The following MTMR7 variants were observed in gnomAD, a reference collection of about 807,000 sequenced individuals.
MTMR7 encodes the protein phosphatidylinositol-3-phosphate phosphatase MTMR7.
A neutral mutation model predicts 81.2 loss-of-function variants in MTMR7; 76 were observed. That is an observed-to-expected ratio of 0.94 (90% CI 0.78 to 1.13). The LOEUF is 1.13. MTMR7 is among the 50% of genes most tolerant of loss of function. The pLI is 0.00. For missense variants in MTMR7, 1,044 were observed against 820.0 expected, an observed-to-expected ratio of 1.27 and a Z score of -3.34; for synonymous variants, 372 against 289.8, an observed-to-expected ratio of 1.28 and a Z score of -2.88.
At chr8:17,304,616 C>T in intron 11 of MTMR7, 97 bp from the exon 12 acceptor site, 1 of 1,324,982 alleles carries the variant, frequency 7.5e-7, no homozygotes. Context: ...ATAATTGTTA[C>T]CTGAAAACCA....
rs189490605 is a variant in MTMR7 at position 17,376,229 on chromosome 8, C to T, written c.25-2989G>A. ...ACTTAGCAATCATGTTCTCAATCTA[C>T]GTTTCAATCCAAGTTCATCTATTCA... On this transcript the variant is annotated intron_variant, in intron 1 of 13. Coordinates refer to ENST00000180173, the MANE Select transcript of MTMR7 (RefSeq NM_004686.5). 1.4e-4 allele frequency among the ~76,000 whole-genome samples: 21 copies of T among 152,318 alleles called. No individual in the cohort carries two copies. The East Asian group carries it at 2.7e-3, about 20-fold the overall frequency.
chr8:17,312,633 T>C (rs1166508321), intron 8 of MTMR7, among the ~76,000 whole-genome samples: 1 of 150,872 alleles, frequency 6.6e-6, no homozygotes, highest in Non-Finnish European at 1.5e-5. Flanking sequence ...ATATAAGCTC[T>C]GTGAGGGAAG....
At chr8:17,341,559 T>C in intron 5 of MTMR7, 62 bp from the exon 6 acceptor site, 1 of 1,567,678 alleles carries the variant, frequency 6.4e-7, no homozygotes, top group South Asian at 1.1e-5. Flanking sequence ...AGAGACACTC[T>C]ACGTGTGTCT....
At chr8:17,354,699 A>G (rs531562636) in intron 4 of MTMR7, among the ~76,000 whole-genome samples, 3 of 152,348 alleles carry the variant, frequency 2.0e-5, no homozygotes, top group East Asian at 1.9e-4. Context: ...AAGAAATAAG[A>G]TAAGTTGTCA....
At chr8:17,331,369 C>A in intron 6 of MTMR7, 87 bp from the exon 7 acceptor site, 1 of 1,359,912 alleles carries the variant, frequency 7.4e-7, no homozygotes, top group Non-Finnish European at 9.9e-7. Context: ...GATACCCAAT[C>A]AAAGCATTCA....
intron 1 of MTMR7, among the ~76,000 whole-genome samples, chr8:17,386,460 G>A (rs1820946739): frequency 6.6e-6 from 1 of 152,194 alleles, no homozygotes; most frequent in Admixed American, 6.5e-5. Context: ...ACTCTTATAG[G>A]AGCAAGAGAC....
chr8:17,370,519 C>A (rs1386283869), intron 3 of MTMR7, among the ~76,000 whole-genome samples: 2 of 127,638 alleles, frequency 1.6e-5, no homozygotes, highest in Non-Finnish European at 3.1e-5. Flanking sequence ...TGCACCACTG[C>A]ACTTCCAGCC....
chr8:17,351,800 A>C (rs571011979), intron 4 of MTMR7, among the ~76,000 whole-genome samples: 49 of 152,372 alleles, frequency 3.2e-4, no homozygotes, highest in African/African-American at 1.2e-3. Context: ...AAGCAGATTT[A>C]GGGTGTCAGT....
chr8:17,315,601 A>G (rs1818023438), intron 7 of MTMR7, among the ~76,000 whole-genome samples: 1 of 152,132 alleles, frequency 6.6e-6, no homozygotes, highest in Non-Finnish European at 1.5e-5. Context: ...CTTCTGCTCA[A>G]TTTTGCTGTG....
At chr8:17,364,215 A>G (rs1820151782) in intron 3 of MTMR7, among the ~76,000 whole-genome samples, 1 of 150,968 alleles carries the variant, frequency 6.6e-6, no homozygotes, top group Non-Finnish European at 1.5e-5. Flanking sequence ...ATTTTTTTTT[A>G]GTAGAGACGG....
At chr8:17,321,889 T>G (rs1464643216) in intron 7 of MTMR7, among the ~76,000 whole-genome samples, 1 of 152,164 alleles carries the variant, frequency 6.6e-6, no homozygotes, top group Non-Finnish European at 1.5e-5. Context: ...ACAAAAGATA[T>G]AATTTTAGGA....
chr8:17,344,344 G>A (rs193039862), intron 5 of MTMR7, among the ~76,000 whole-genome samples: 149 of 152,296 alleles, frequency 9.8e-4, no homozygotes, highest in Admixed American at 2.4e-3. Context: ...AGGCACAGTG[G>A]CTCATGCCTG....
At chr8:17,359,841 T>C (rs994040200) in intron 4 of MTMR7, among the ~76,000 whole-genome samples, 3 of 152,158 alleles carry the variant, frequency 2.0e-5, no homozygotes, top group African/African-American at 7.2e-5. Flanking sequence ...GAATCAAGCA[T>C]TCACAATTGA....
chr8:17,356,943 A>G (rs1271482780), intron 4 of MTMR7, among the ~76,000 whole-genome samples: 1 of 152,160 alleles, frequency 6.6e-6, no homozygotes, highest in Non-Finnish European at 1.5e-5. Flanking sequence ...AATTTAGTAA[A>G]GCTCAAATCT....
At position 17,299,184 on chromosome 8, in the gene MTMR7, G is replaced by A. The variant is rs960439900; in HGVS notation, c.*678C>T. 9 of 152,162 alleles carry A rather than the reference G, an allele frequency of 5.9e-5. No homozygotes were observed. Among genetic ancestry groups the A allele is most frequent in the Admixed American group, 3.3e-4 (5 of 15,278 alleles). 9.4% of individuals were successfully genotyped at this position (152,162 alleles called of 1,614,324 possible). On this transcript the variant is annotated 3_prime_UTR_variant, in exon 14 of 14. Coordinates refer to ENST00000180173, the MANE Select transcript of MTMR7 (RefSeq NM_004686.5). ...CTCGTTAGCTATTAAATCAGTGTTAGAGAAAAAGTGAGATACAAGGTTTAG... is the reference window on the plus strand; with the variant it reads ...CTCGTTAGCTATTAAATCAGTGTTAAAGAAAAAGTGAGATACAAGGTTTAG...
intron 7 of MTMR7, among the ~76,000 whole-genome samples, chr8:17,315,343 G>C (rs1215019194): frequency 1.3e-5 from 2 of 152,180 alleles, no homozygotes; most frequent in Non-Finnish European, 2.9e-5. Context: ...TTAGGGTTGT[G>C]AGGGAAATAA....
At position 17,394,869 on chromosome 8, in the gene MTMR7, T is replaced by C. The variant is rs1027278393; in HGVS notation, c.24+18400A>G. 3.3e-5 allele frequency among the ~76,000 whole-genome samples: 5 copies of C among 152,272 alleles called. No homozygotes were observed. In the East Asian group the frequency reaches 9.6e-4, roughly 29 times the overall value. ...TCGACAAATTCATTCAGTCAGTAAG[T>C]ATTTACTGAGCAGTGGTTATGTGCC... On this transcript the variant is annotated intron_variant, in intron 1 of 13. Transcript: ENST00000180173.
intron 1 of MTMR7, among the ~76,000 whole-genome samples, chr8:17,379,183 T>C (rs764971667): frequency 1.4e-4 from 21 of 152,078 alleles, no homozygotes; most frequent in Non-Finnish European, 2.2e-4. Context: ...TTCAGGAACA[T>C]GGGGGCACTG....
chr8:17,311,769 T>G (rs1817794016), intron 8 of MTMR7, 133 bp from the exon 9 acceptor site: 1 of 1,399,904 alleles, frequency 7.1e-7, no homozygotes, highest in Admixed American at 2.0e-5. Flanking sequence ...ATTCGTCTGT[T>G]TAGGGCCCCC....
Sources: gnomAD v4.1 joint callset for allele counts (sites outside exome capture counted in the v4.1 genomes callset) on GRCh38, gnomAD v4.1.1 for gene constraint, MANE v1.5 for transcripts, NCBI Gene and HGNC (gene_info 2026-07-23, HGNC 2026-07-21) for gene names.